The following PIGU variants were observed in gnomAD, a reference collection of about 807,000 sequenced individuals.
The protein encoded by PIGU is GPI-anchor transamidase component PIGU.
In PIGU, 24 loss-of-function variants were observed where a neutral mutation model predicts 49.9. The ratio of observed to expected loss-of-function variants is 0.48; its 90% CI spans 0.35 to 0.68. The LOEUF (loss-of-function observed/expected upper bound fraction) is 0.68, where lower values mean the gene tolerates loss of function less well. PIGU is among the 30% of genes least tolerant of loss of function. The pLI is 0.01. For synonymous variants in PIGU, 220 were observed against 205.7 expected (o/e 1.07, Z -0.59); for missense variants, 490 against 532.6 (o/e 0.92, Z 0.79).
intron 7 of PIGU, among the ~76,000 whole-genome samples, chr20:34,590,577 G>GTAACATAACA (rs10544376): frequency 0.1 from 14,146 of 140,510 alleles, 855 homozygotes; most frequent in African/African-American, 0.13. Flanking sequence ...ATAGCGTAAC[G>GTAACATAACA]TAACATAACA....
chr20:34,619,512 C>A (rs547179342), intron 6 of PIGU, among the ~76,000 whole-genome samples: 1 of 152,134 alleles, frequency 6.6e-6, no homozygotes, highest in Admixed American at 6.6e-5. Flanking sequence ...TGAAAGCAGG[C>A]GAGAGAAGAG....
At chr20:34,582,251 T>A (rs900675067) in intron 9 of PIGU, among the ~76,000 whole-genome samples, 1 of 152,226 alleles carries the variant, frequency 6.6e-6, no homozygotes, top group Non-Finnish European at 1.5e-5. Flanking sequence ...CTTAAACTAA[T>A]AGCAGTTTCA....
At position 34,668,487 on chromosome 20, in the gene PIGU, G is replaced by GA. The variant is rs987680808; in HGVS notation, c.130+8468_130+8469insT. 4.7e-5 allele frequency among the ~76,000 whole-genome samples: 6 copies of GA among 128,624 alleles called. No homozygotes were observed. The Admixed American group carries it at 5.0e-4, about 11-fold the overall frequency. The allele number at this position is 128,624 out of a possible 152,430, so 84.4% of individuals were successfully genotyped here. On this transcript the variant is annotated intron_variant, in intron 1 of 11. Coordinates refer to ENST00000217446, the MANE Select transcript of PIGU (RefSeq NM_080476.5). ...AAAAAAAAAAAAAAAAAAAAAAGGG[G>GA]GGGGCGGGCGTGCTGGCTCACACCC...
chr20:34,644,110 A>C, intron 4 of PIGU, 54 bp downstream of exon 4: 1 of 1,454,956 alleles, frequency 6.9e-7, no homozygotes, highest in Non-Finnish European at 9.6e-7. Flanking sequence ...GTAATAACAA[A>C]GACCAGAAGG....
rs1224193018 is a variant in PIGU, at chr20:34,632,937, A to AG, written c.529+1677dup. Among the ~76,000 whole-genome samples, 3 of 152,162 alleles carry AG rather than the reference A, an allele frequency of 2.0e-5. No individual in the cohort carries two copies. In the East Asian group the frequency reaches 5.8e-4, roughly 29 times the overall value. ...GTGTTGTTAAAAGAAAAAAAAAAAA[A>AG]GAACATTGTTAGGTACTTGACAGAT... On this transcript the variant is annotated intron_variant, in intron 6 of 11. Transcript: ENST00000217446.
chr20:34,669,666 G>GAAA, intron 1 of PIGU, among the ~76,000 whole-genome samples: 1 of 123,996 alleles, frequency 8.1e-6, no homozygotes, highest in South Asian at 2.6e-4. Flanking sequence ...GACTCTGGCT[G>GAAA]AAAAAAAAAA....
intron 4 of PIGU, among the ~76,000 whole-genome samples, chr20:34,640,094 G>A (rs1986101125): frequency 6.6e-6 from 1 of 152,166 alleles, no homozygotes; most frequent in Admixed American, 6.5e-5. Flanking sequence ...AGGTGGGAAT[G>A]CAGACCTCAT....
chr20:34,610,872 A>G (rs1984787223), intron 7 of PIGU, among the ~76,000 whole-genome samples: 1 of 152,200 alleles, frequency 6.6e-6, no homozygotes, highest in Admixed American at 6.5e-5. Context: ...AGACCAATGG[A>G]ACAGAACAGA....
intron 9 of PIGU, 148 bp from the exon 10 acceptor site, chr20:34,581,820 GC>G: frequency 9.1e-7 from 1 of 1,104,144 alleles, no homozygotes; most frequent in Non-Finnish European, 1.3e-6. Flanking sequence ...CATGGGCCAG[GC>G]CCCAGTAGCA....
intron 7 of PIGU, among the ~76,000 whole-genome samples, chr20:34,599,269 A>G (rs926898542): frequency 7.2e-5 from 11 of 152,124 alleles, no homozygotes; most frequent in Non-Finnish European, 1.5e-4. Context: ...CCTGGGCAAC[A>G]TGGCAAAACC....
chr20:34,670,280 C>T (rs1987270053), intron 1 of PIGU, among the ~76,000 whole-genome samples: 1 of 151,268 alleles, frequency 6.6e-6, no homozygotes, highest in Non-Finnish European at 1.5e-5. Context: ...ACCTCCACCT[C>T]CTGAGTTCAA....
rs1371170951 is a variant in PIGU, at chr20:34,668,768, C to CA, written c.130+8187dup. ...TGGGTGACAGAGCGAGACTCTGACT[C>CA]AAAAAAATAAATAAATAAATAAATA... On this transcript the variant is annotated intron_variant, in intron 1 of 11. Transcript: ENST00000217446. 2.6e-3 allele frequency among the ~76,000 whole-genome samples: 295 copies of CA among 111,740 alleles called. 1 individual carries two copies. The highest frequency in any genetic ancestry group is 0.01 in the African/African-American group (279 of 27,716). 73.3% of individuals were successfully genotyped at this position (111,740 alleles called of 152,430 possible).
At chr20:34,587,066 A>C (rs868783153) in intron 8 of PIGU, among the ~76,000 whole-genome samples, 30 of 152,218 alleles carry the variant, frequency 2.0e-4, no homozygotes, top group African/African-American at 6.0e-4. Context: ...GGTGTGTTTC[A>C]GAGTACAGGT....
intron 4 of PIGU, among the ~76,000 whole-genome samples, chr20:34,643,080 C>A (rs1986220592): frequency 6.6e-6 from 1 of 152,028 alleles, no homozygotes; most frequent in Non-Finnish European, 1.5e-5. Flanking sequence ...AGCATTTCAT[C>A]TCAGCCCCTA....
Position 34,599,124 on chromosome 20 carries a change from T to C in PIGU, c.628-10517A>G, listed in dbSNP as rs747134150. 1.7e-4 allele frequency among the ~76,000 whole-genome samples: 26 copies of C among 152,260 alleles called. No individual in the cohort carries two copies. The South Asian group carries it at 1.9e-3, about 11-fold the overall frequency. ...TTCACTAATGAGCGCCTACTTCTAA[T>C]ACTCATTTTGTTAATCAGTAAGACA... On this transcript the variant is annotated intron_variant, in intron 7 of 11. Transcript: ENST00000217446.
At chr20:34,566,143 C>T (rs1030610406) in intron 11 of PIGU, among the ~76,000 whole-genome samples, 1 of 152,218 alleles carries the variant, frequency 6.6e-6, no homozygotes, top group African/African-American at 2.4e-5. Flanking sequence ...CTGGCTCCCC[C>T]TGCCCTGCCC....
chr20:34,592,552 T>G (rs1984036832), intron 7 of PIGU, among the ~76,000 whole-genome samples: 1 of 151,978 alleles, frequency 6.6e-6, no homozygotes, highest in Non-Finnish European at 1.5e-5. Flanking sequence ...CAATGTATTT[T>G]AAAAAAGGTG....
intron 1 of PIGU, among the ~76,000 whole-genome samples, chr20:34,664,850 C>T (rs1987036658): frequency 6.6e-6 from 1 of 151,784 alleles, no homozygotes; most frequent in Admixed American, 6.6e-5. Flanking sequence ...ATTAGCCAGG[C>T]ATGGTGGAGA....
chr20:34,585,658 G>A (rs1456974433), intron 8 of PIGU, 78 bp from the exon 9 acceptor site: 2 of 1,530,430 alleles, frequency 1.3e-6, no homozygotes, highest in Non-Finnish European at 1.8e-6. Flanking sequence ...TTCTCCTGAA[G>A]ACTTTGGTCA....
Sources: gnomAD v4.1 joint callset for allele counts (sites outside exome capture counted in the v4.1 genomes callset) on GRCh38, gnomAD v4.1.1 for gene constraint, MANE v1.5 for transcripts, NCBI Gene and HGNC (gene_info 2026-07-23, HGNC 2026-07-21) for gene names.